Variants in CEP128 observed in about 807,000 individuals in gnomAD.
CEP128 encodes centrosomal protein 128.
Under a neutral mutation model 156.7 loss-of-function variants are expected in CEP128, and 132 were observed. That is an observed-to-expected ratio of 0.84 (90% CI 0.73 to 0.97). The LOEUF (loss-of-function observed/expected upper bound fraction) is 0.97, where lower values mean the gene tolerates loss of function less well. Ranked by LOEUF, CEP128 falls within the 50% of genes least tolerant of loss-of-function variation. The pLI, the probability that CEP128 is intolerant of heterozygous loss-of-function variation, is 0.00. For missense variants in CEP128, 1,252 were observed against 1,281.9 expected (o/e 0.98, Z 0.36); for synonymous variants, 469 against 448.9 (o/e 1.04, Z -0.57).
intron 14 of CEP128, among the ~76,000 whole-genome samples, chr14:80,787,603 A>G (rs910990303): frequency 2.0e-5 from 3 of 152,110 alleles, no homozygotes; most frequent in African/African-American, 4.8e-5. Flanking sequence ...TCTACTTACC[A>G]AACTGGAGAA....
At chr14:80,692,538 C>T (rs974654186) in intron 19 of CEP128, among the ~76,000 whole-genome samples, 10 of 152,130 alleles carry the variant, frequency 6.6e-5, no homozygotes, top group Non-Finnish European at 1.2e-4. Flanking sequence ...ATGTGGGGAA[C>T]AGGTAAAATT....
At chr14:80,678,229 T>G (rs1896170112) in intron 19 of CEP128, among the ~76,000 whole-genome samples, 1 of 151,848 alleles carries the variant, frequency 6.6e-6, no homozygotes, top group African/African-American at 2.4e-5. Context: ...ATTACTTTTT[T>G]CTTACATGTA....
intron 19 of CEP128, among the ~76,000 whole-genome samples, chr14:80,692,422 A>C (rs1004542648): frequency 6.6e-6 from 1 of 152,210 alleles, no homozygotes; most frequent in African/African-American, 2.4e-5. Context: ...CATCAAAGGA[A>C]GGATGTATAC....
intron 19 of CEP128, among the ~76,000 whole-genome samples, chr14:80,596,362 T>A (rs963091881): frequency 6.6e-6 from 1 of 151,872 alleles, no homozygotes; most frequent in Non-Finnish European, 1.5e-5. Flanking sequence ...TCTCAAAAAT[T>A]GACAGAAAAA....
At chr14:80,649,318 G>A (rs550528297) in intron 19 of CEP128, among the ~76,000 whole-genome samples, 9 of 152,002 alleles carry the variant, frequency 5.9e-5, no homozygotes, top group Non-Finnish European at 1.0e-4. Flanking sequence ...TTCTGAGGTC[G>A]CTCACAATCT....
chr14:80,785,337 C>T lies in CEP128; in HGVS notation c.1769G>A (p.Arg590Lys). The T allele has an allele frequency of 6.2e-7, 1 of 1,614,168 alleles. No homozygotes were observed. The highest frequency in any genetic ancestry group is 1.1e-5 in the South Asian group (1 of 91,080). The part of the protein sequence containing the change: ...EVKNSLDTIH[R>K]LESELKKQSK... ...CTGCTTTTTCAATTCGCTCTCCAGT[C>T]TATGGATGGTATCCAGGGAATTCTT... Residue 590 changes from arginine to lysine, a missense_variant, in exon 15 of 25, where the codon AGA (arginine) becomes AAA (lysine). Coordinates refer to ENST00000555265, the MANE Select transcript of CEP128 (RefSeq NM_152446.5).
chr14:80,581,277 A>G (rs1308020445), intron 19 of CEP128, among the ~76,000 whole-genome samples: 2 of 152,210 alleles, frequency 1.3e-5, no homozygotes, highest in Non-Finnish European at 2.9e-5. Flanking sequence ...GTATATTAAT[A>G]TGAGTATTTG....
chr14:80,837,250 C>CA (rs1886124642), intron 11 of CEP128, among the ~76,000 whole-genome samples: 1 of 152,112 alleles, frequency 6.6e-6, no homozygotes, highest in Non-Finnish European at 1.5e-5. Context: ...ACATACACTT[C>CA]AAAACAGAAG....
At chr14:80,628,911 A>C (rs529464062) in intron 19 of CEP128, among the ~76,000 whole-genome samples, 1 of 152,304 alleles carries the variant, frequency 6.6e-6, no homozygotes, top group East Asian at 1.9e-4. Flanking sequence ...TGAATATAAA[A>C]GGGCTGACAG....
At chr14:80,943,336 A>G (rs1886242279), upstream of CEP128, among the ~76,000 whole-genome samples, 1 of 152,244 alleles carries the variant, frequency 6.6e-6, no homozygotes, top group Admixed American at 6.5e-5. Flanking sequence ...ATAGGTTTGT[A>G]TGGAAAGACA....
At chr14:80,602,229 C>T (rs936662001) in intron 19 of CEP128, among the ~76,000 whole-genome samples, 5 of 152,028 alleles carry the variant, frequency 3.3e-5, no homozygotes, top group Admixed American at 2.0e-4. Flanking sequence ...AAGAATACAA[C>T]AATAATAGTT....
chr14:80,630,359 G>T (rs1292976726), intron 19 of CEP128, among the ~76,000 whole-genome samples: 1 of 151,892 alleles, frequency 6.6e-6, no homozygotes, highest in Non-Finnish European at 1.5e-5. Flanking sequence ...TTGTTACCAA[G>T]ATTAAGTAGT....
At chr14:80,607,916 C>G (rs1375407319) in intron 19 of CEP128, among the ~76,000 whole-genome samples, 1 of 152,232 alleles carries the variant, frequency 6.6e-6, no homozygotes, top group Non-Finnish European at 1.5e-5. Flanking sequence ...GAAGTACTCT[C>G]TCTGCTGTCA....
Position 80,840,324 on chromosome 14 carries a change from C to T in CEP128, c.849+358G>A, listed in dbSNP as rs115906863. Among the ~76,000 whole-genome samples, 678 of 152,248 alleles carry T rather than the reference C, an allele frequency of 4.5e-3. 5 individuals are homozygous for T. Among genetic ancestry groups the T allele is most frequent in the African/African-American group, 0.016 (649 of 41,568 alleles). On this transcript the variant is annotated intron_variant, in intron 10 of 24. Transcript: ENST00000555265. ...TTTCAGAACTGGCTGCTTACTATAT[C>T]TGTCCACTATAATGAAAATGAATAT...
chr14:80,875,026 A>G (rs754808551), intron 8 of CEP128, among the ~76,000 whole-genome samples: 3 of 152,228 alleles, frequency 2.0e-5, no homozygotes, highest in Non-Finnish European at 2.9e-5. Flanking sequence ...CTTTAGAACG[A>G]CTTTTTCCCC....
intron 13 of CEP128, among the ~76,000 whole-genome samples, chr14:80,801,428 AT>A: frequency 6.6e-6 from 1 of 151,700 alleles, no homozygotes; most frequent in East Asian, 2.0e-4. Context: ...TACCTAGTTT[AT>A]TGAGAGTTTT....
chr14:80,479,480 G>A (rs375877727), intron 14 of CEP128, among the ~76,000 whole-genome samples: 15 of 152,144 alleles, frequency 9.9e-5, no homozygotes, highest in Middle Eastern at 6.8e-3. Context: ...AAGCAAAAGC[G>A]GAAACCCCTG....
chr14:80,910,232 T>C (rs1400045214), intron 4 of CEP128, among the ~76,000 whole-genome samples: 1 of 152,246 alleles, frequency 6.6e-6, no homozygotes, highest in Non-Finnish European at 1.5e-5. Context: ...CAATGGAAAC[T>C]ACTGTGCACC....
chr14:80,644,076 G>C (rs139394374), intron 19 of CEP128, among the ~76,000 whole-genome samples: 9 of 152,264 alleles, frequency 5.9e-5, no homozygotes, highest in African/African-American at 2.2e-4. Flanking sequence ...GAAGAGAATA[G>C]AGTGCTGCAG....
Sources: allele counts gnomAD v4.1 joint callset (sites outside exome capture counted in the v4.1 genomes callset), GRCh38; gene constraint gnomAD v4.1.1; transcripts MANE v1.5; gene names NCBI Gene and HGNC (gene_info 2026-07-23, HGNC 2026-07-21).